C11orf87: variants seen among roughly 807,000 people sequenced by gnomAD.
C11orf87 encodes the protein chromosome 11 open reading frame 87.
C11orf87 carries 3 observed loss-of-function variants against 9.2 expected under a neutral mutation model. The ratio of observed to expected loss-of-function variants is 0.33; its 90% confidence interval spans 0.15 to 0.84. C11orf87 has a LOEUF of 0.84. Ranked by LOEUF, C11orf87 falls within the 40% of genes least tolerant of loss-of-function variation. The pLI is 0.55. For missense variants in C11orf87, 256 were observed against 270.7 expected, an observed-to-expected ratio of 0.95 and a Z score of 0.38; for synonymous variants, 124 against 124.6, an observed-to-expected ratio of 1.00 and a Z score of 0.03.
Position 109,423,513 on chromosome 11 carries a change from C to A in C11orf87, c.-121C>A. 1.9e-6 allele frequency: 2 copies of A among 1,041,252 alleles called. No individual in the cohort carries two copies. Among genetic ancestry groups the A allele is most frequent in the Non-Finnish European group, 2.7e-6 (2 of 736,328 alleles). 64.5% of individuals were successfully genotyped at this position (1,041,252 alleles called of 1,614,324 possible). ...CCTTAGTCCTTGGCTCGCTCGCACA[C>A]CCCCTCCCGCTACAGGGAGCAGTTT... On this transcript the variant is annotated 5_prime_UTR_variant, in exon 2 of 2. Coordinates refer to ENST00000327419, the MANE Select transcript of C11orf87 (RefSeq NM_207645.4). This position sits in a 1 kb window ranked among gnomAD's most constrained non-coding sequence, Gnocchi z 5.3.
chr11:109,424,326 T>G lies in C11orf87; in HGVS notation c.*99T>G. The G allele has an allele frequency of 1.0e-6, 1 of 974,208 alleles. No homozygotes were observed. The highest frequency in any genetic ancestry group is 2.1e-4 in the Middle Eastern group (1 of 4,794). The allele number at this position is 974,208 out of a possible 1,614,324, so 60.3% of individuals were successfully genotyped here. On this transcript the variant is annotated 3_prime_UTR_variant, in exon 2 of 2. Coordinates refer to ENST00000327419, the MANE Select transcript of C11orf87 (RefSeq NM_207645.4). This position sits in a 1 kb window ranked among gnomAD's most constrained non-coding sequence, Gnocchi z 4.7. Reference sequence around the variant, plus strand: ...CTTTTCCATTTTCCTCTGGCCCCTCTTTCCTCTTCCTGGTTTCCTTACCTG... The same window carrying G: ...CTTTTCCATTTTCCTCTGGCCCCTCGTTCCTCTTCCTGGTTTCCTTACCTG...
rs1401607442 is a variant in C11orf87 at position 109,423,255 on chromosome 11, A to G, written c.-259-120A>G. On this transcript the variant is annotated intron_variant, in intron 1 of 1. Transcript: ENST00000327419. This position sits in a 1 kb window ranked among gnomAD's most constrained non-coding sequence, Gnocchi z 5.3. ...GCTGGGGTCCGCTGACCGAAAATAC[A>G]GGCAGCGCCCAGCTCAGGCAGTGTG... 12 of 265,388 alleles carry G rather than the reference A, an allele frequency of 4.5e-5. No homozygotes were observed. Among genetic ancestry groups the G allele is most frequent in the Non-Finnish European group, 5.0e-5 (7 of 140,754 alleles). The allele number at this position is 265,388 out of a possible 1,614,324, so 16.4% of individuals were successfully genotyped here.
rs1860603323 is a variant in C11orf87 at position 109,428,642 on chromosome 11, A to G, written c.*4415A>G. The G allele has an allele frequency of 1.3e-5, 2 of 152,138 alleles. No homozygotes were observed. Among genetic ancestry groups the G allele is most frequent in the African/African-American group, 4.8e-5 (2 of 41,448 alleles). 9.4% of individuals were successfully genotyped at this position (152,138 alleles called of 1,614,324 possible). ...GGGCCATTTTTTGTTGGAACTTGTG[A>G]TTGTAACTCACAGATGTTTCAGTTC... On this transcript the variant is annotated 3_prime_UTR_variant, in exon 2 of 2. Transcript: ENST00000327419.
At position 109,424,151 on chromosome 11, in the gene C11orf87, C is replaced by T. The variant is rs1860538696; in HGVS notation, c.518C>T (p.Pro173Leu). ...APPPPPPASS[P>L]QGAHAASSCL... ...CCGCCTCCACCGCCAGCCTCCAGTC[C>T]CCAAGGAGCACACGCAGCTTCCTCC... Residue 173 changes from proline to leucine, a missense_variant, in exon 2 of 2, where the codon CCC becomes CTC. By Grantham distance (98) the Pro-to-Leu change is moderately conservative (BLOSUM62 -3). Transcript: ENST00000327419. The surrounding 1 kb of genome is among the most constrained non-coding windows in gnomAD (Gnocchi z 4.7). 1 of 1,614,116 alleles carries T rather than the reference C, an allele frequency of 6.2e-7. No homozygotes were observed. The highest frequency in any genetic ancestry group is 2.2e-5 in the East Asian group (1 of 44,860).
Position 109,423,268 on chromosome 11 carries a change from C to G in C11orf87, c.-259-107C>G. On this transcript the variant is annotated intron_variant, in intron 1 of 1. Coordinates refer to ENST00000327419, the MANE Select transcript of C11orf87 (RefSeq NM_207645.4). This position sits in a 1 kb window ranked among gnomAD's most constrained non-coding sequence, Gnocchi z 5.3. ...GACCGAAAATACAGGCAGCGCCCAG[C>G]TCAGGCAGTGTGCCCAGAGGGCCGC... The G allele has an allele frequency of 3.2e-6, 1 of 308,444 alleles. No homozygotes were observed. The highest frequency in any genetic ancestry group is 6.0e-6 in the Non-Finnish European group (1 of 165,848). 19.1% of individuals were successfully genotyped at this position (308,444 alleles called of 1,614,324 possible). A position where few individuals can be genotyped will look rare whatever the true frequency, so the allele number is the denominator to read the frequency against.
At position 109,424,150 on chromosome 11, in the gene C11orf87, C is replaced by T; in HGVS notation, c.517C>T (p.Pro173Ser). 6.2e-7 allele frequency: 1 copy of T among 1,614,126 alleles called. No individual in the cohort carries two copies. The highest frequency in any genetic ancestry group is 8.5e-7 in the Non-Finnish European group (1 of 1,180,036). ...TCCGCCTCCACCGCCAGCCTCCAGTCCCCAAGGAGCACACGCAGCTTCCTC... is the reference window on the plus strand; with the variant it reads ...TCCGCCTCCACCGCCAGCCTCCAGTTCCCAAGGAGCACACGCAGCTTCCTC... ...APPPPPPASS[P>S]QGAHAASSCL... The change falls in exon 2 of 2, where the codon CCC becomes TCC. Residue 173 changes from proline to serine, a missense_variant. Physicochemically the swap from Pro to Ser is moderately conservative, Grantham distance 74. Coordinates refer to ENST00000327419, the MANE Select transcript of C11orf87 (RefSeq NM_207645.4). This position sits in a 1 kb window ranked among gnomAD's most constrained non-coding sequence, Gnocchi z 4.7.
At position 109,424,750 on chromosome 11, in the gene C11orf87, AT is replaced by A; in HGVS notation, c.*525del. ...TTCCTTTAGCTTCCCTTTCCTCCCCATTCCCACCCTCAGCCGGGCTCAGGCA... is the reference window on the plus strand; with the variant it reads ...TTCCTTTAGCTTCCCTTTCCTCCCCATCCCACCCTCAGCCGGGCTCAGGCA... On this transcript the variant is annotated 3_prime_UTR_variant, in exon 2 of 2. Transcript: ENST00000327419. The surrounding 1 kb of genome is among the most constrained non-coding windows in gnomAD (Gnocchi z 4.7). The A allele has an allele frequency of 6.0e-6, 1 of 167,044 alleles. No homozygotes were observed. Among genetic ancestry groups the A allele is most frequent in the Admixed American group, 6.6e-5 (1 of 15,264 alleles). The allele number at this position is 167,044 out of a possible 1,614,324, so 10.3% of individuals were successfully genotyped here. A position where few individuals can be genotyped will look rare whatever the true frequency, so the allele number is the denominator to read the frequency against.
Position 109,424,880 on chromosome 11 carries a change from C to T in C11orf87, c.*653C>T, listed in dbSNP as rs982605529. ...TTATGACAGGTACCCCTCGCCAGTC[C>T]GCCCATTTCTCACCCTTTGGTTAAC... On this transcript the variant is annotated 3_prime_UTR_variant, in exon 2 of 2. Transcript: ENST00000327419. The surrounding 1 kb of genome is among the most constrained non-coding windows in gnomAD (Gnocchi z 4.7). The T allele has an allele frequency of 1.8e-5, 3 of 167,098 alleles. No individual in the cohort carries two copies. The highest frequency in any genetic ancestry group is 2.9e-5 in the Non-Finnish European group (2 of 68,160). The allele number at this position is 167,098 out of a possible 1,614,324, so 10.4% of individuals were successfully genotyped here. A position where few individuals can be genotyped will look rare whatever the true frequency, so the allele number is the denominator to read the frequency against.
rs546752140 is a variant in C11orf87 at position 109,424,043 on chromosome 11, A to G, written c.410A>G (p.Asp137Gly). 8 of 1,612,642 alleles carry G rather than the reference A, an allele frequency of 5.0e-6. No individual in the cohort carries two copies. In the African/African-American group the frequency reaches 1.1e-4, roughly 22 times the overall value. ...KETRLERQPRDSPFCAPSNAS... is the reference protein window; with the variant it reads ...KETRLERQPRGSPFCAPSNAS... ...ACCCGGCTGGAGAGGCAGCCCCGGGACTCTCCCTTCTGCGCCCCTTCCAAC... is the reference window on the plus strand; with the variant it reads ...ACCCGGCTGGAGAGGCAGCCCCGGGGCTCTCCCTTCTGCGCCCCTTCCAAC... The change falls in exon 2 of 2, where the codon GAC becomes GGC. Residue 137 changes from aspartate to glycine, a missense_variant. Physicochemically the swap from Asp to Gly is moderately conservative, Grantham distance 94 (BLOSUM62 -1). Coordinates refer to ENST00000327419, the MANE Select transcript of C11orf87 (RefSeq NM_207645.4). This position sits in a 1 kb window ranked among gnomAD's most constrained non-coding sequence, Gnocchi z 4.7.
rs1205783414 is a variant in C11orf87, at chr11:109,424,127, C to T, written c.494C>T (p.Pro165Leu). Residue 165 changes from proline (P) to leucine (L), a missense_variant, in exon 2 of 2, where the codon CCG (proline) becomes CTG (leucine). Transcript: ENST00000327419. The surrounding 1 kb of genome is among the most constrained non-coding windows in gnomAD (Gnocchi z 4.7). Reference sequence around the variant, plus strand: ...CCGTGCCAGGGTCCCTGTGCTCCTCCGCCTCCACCGCCAGCCTCCAGTCCC... The same window carrying T: ...CCGTGCCAGGGTCCCTGTGCTCCTCTGCCTCCACCGCCAGCCTCCAGTCCC... ...GLPCQGPCAPPPPPPASSPQG... is the reference protein window; with the variant it reads ...GLPCQGPCAPLPPPPASSPQG... 7.4e-6 allele frequency: 12 copies of T among 1,613,848 alleles called. No individual in the cohort carries two copies. Among genetic ancestry groups the T allele is most frequent in the African/African-American group, 4.0e-5 (3 of 74,932 alleles).
rs1860541959 is a variant in C11orf87, at chr11:109,424,317, TG to T, written c.*92del. Reference sequence around the variant, plus strand: ...TCTTCCTTCCTTTTCCATTTTCCTCTGGCCCCTCTTTCCTCTTCCTGGTTTC... The same window carrying T: ...TCTTCCTTCCTTTTCCATTTTCCTCTGCCCCTCTTTCCTCTTCCTGGTTTC... On this transcript the variant is annotated 3_prime_UTR_variant, in exon 2 of 2. Transcript: ENST00000327419. This position sits in a 1 kb window ranked among gnomAD's most constrained non-coding sequence, Gnocchi z 4.7. 1 of 1,060,142 alleles carries T rather than the reference TG, an allele frequency of 9.4e-7. No homozygotes were observed. The highest frequency in any genetic ancestry group is 2.5e-5 in the Admixed American group (1 of 39,946). 65.7% of individuals were successfully genotyped at this position (1,060,142 alleles called of 1,614,324 possible).
rs1860583351 is a variant in C11orf87, at chr11:109,427,140, T to C, written c.*2913T>C. 6.6e-6 allele frequency: 1 copy of C among 152,210 alleles called. No homozygotes were observed. The allele number at this position is 152,210 out of a possible 1,614,324, so 9.4% of individuals were successfully genotyped here. On this transcript the variant is annotated 3_prime_UTR_variant, in exon 2 of 2. Coordinates refer to ENST00000327419, the MANE Select transcript of C11orf87 (RefSeq NM_207645.4). ...AGGAGCAAGAGAAATAAAAGCATTATGTATATTGTAAAACAAATGATCTCA... is the reference window on the plus strand; with the variant it reads ...AGGAGCAAGAGAAATAAAAGCATTACGTATATTGTAAAACAAATGATCTCA...
Position 109,423,773 on chromosome 11 carries a change from T to C in C11orf87, c.140T>C (p.Ile47Thr). 5.0e-6 allele frequency: 8 copies of C among 1,614,060 alleles called. No homozygotes were observed. Among genetic ancestry groups the C allele is most frequent in the Non-Finnish European group, 5.1e-6 (6 of 1,179,938 alleles). The change falls in exon 2 of 2, where the codon ATC becomes ACC. Residue 47 changes from isoleucine to threonine, a missense_variant. By Grantham distance (89) the Ile-to-Thr change is moderately conservative. Coordinates refer to ENST00000327419, the MANE Select transcript of C11orf87 (RefSeq NM_207645.4). This position sits in a 1 kb window ranked among gnomAD's most constrained non-coding sequence, Gnocchi z 5.3. The part of the protein sequence containing the change: ...GPGAVGSGTC[I>T]TQVGQQLFQS... ...GGCGCAGTAGGCAGCGGCACCTGCA[T>C]CACGCAGGTGGGACAGCAGCTCTTC...
rs1440126587 is a variant in C11orf87, at chr11:109,428,731, A to G, written c.*4504A>G. 1.3e-5 allele frequency: 2 copies of G among 152,200 alleles called. No homozygotes were observed. The highest frequency in any genetic ancestry group is 2.4e-5 in the African/African-American group (1 of 41,464). 9.4% of individuals were successfully genotyped at this position (152,200 alleles called of 1,614,324 possible). ...AATCATTGGAATGAATGTAAATCTGATTCTGATTTGGTTATTTATTTGATA... is the reference window on the plus strand; with the variant it reads ...AATCATTGGAATGAATGTAAATCTGGTTCTGATTTGGTTATTTATTTGATA... On this transcript the variant is annotated 3_prime_UTR_variant, in exon 2 of 2. Coordinates refer to ENST00000327419, the MANE Select transcript of C11orf87 (RefSeq NM_207645.4).
Position 109,426,561 on chromosome 11 carries a change from A to C in C11orf87, c.*2334A>C, listed in dbSNP as rs907156685. On this transcript the variant is annotated 3_prime_UTR_variant, in exon 2 of 2. Coordinates refer to ENST00000327419, the MANE Select transcript of C11orf87 (RefSeq NM_207645.4). ...AATCTTTGGGTACAATATATTAAAC[A>C]ATGAACCAGTTTTTCTCCAGTGCCT... The C allele has an allele frequency of 2.0e-5, 3 of 152,216 alleles. No individual in the cohort carries two copies. Among genetic ancestry groups the C allele is most frequent in the Non-Finnish European group, 2.9e-5 (2 of 68,036 alleles). The allele number at this position is 152,216 out of a possible 1,614,324, so 9.4% of individuals were successfully genotyped here. A position where few individuals can be genotyped will look rare whatever the true frequency, so the allele number is the denominator to read the frequency against.
Position 109,423,650 on chromosome 11 carries a change from C to T in C11orf87, c.17C>T (p.Pro6Leu). 8 of 1,602,000 alleles carry T rather than the reference C, an allele frequency of 5.0e-6. No individual in the cohort carries two copies. Among genetic ancestry groups the T allele is most frequent in the South Asian group, 3.3e-5 (3 of 90,598 alleles). The change falls in exon 2 of 2, where the codon CCG (proline) becomes CTG (leucine). Residue 6 changes from proline (P) to leucine (L), a missense_variant. Coordinates refer to ENST00000327419, the MANE Select transcript of C11orf87 (RefSeq NM_207645.4). The surrounding 1 kb of genome is among the most constrained non-coding windows in gnomAD (Gnocchi z 5.3). ...CCCGCGCCAATGAGTGCCAGGGCGC[C>T]GAAGGAGCTGAGGCTGGCGTTGCCG... MSARA[P>L]KELRLALPPC...
intron 1 of C11orf87, among the ~76,000 whole-genome samples, chr11:109,422,668 GGGA>G (rs1341569170): frequency 6.6e-6 from 1 of 151,996 alleles, no homozygotes; most frequent in African/African-American, 2.4e-5. Flanking sequence ...CAGGGAAATG[GGGA>G]GGAGGGGGCC....
chr11:109,425,950 C>T lies in C11orf87; in HGVS notation c.*1723C>T, dbSNP rs971194809. On this transcript the variant is annotated 3_prime_UTR_variant, in exon 2 of 2. Coordinates refer to ENST00000327419, the MANE Select transcript of C11orf87 (RefSeq NM_207645.4). ...GAAAGGCTCTCTTTCTCAGTCTGTCCTAACTTCACTGAACATACAAAAATA... is the reference window on the plus strand; with the variant it reads ...GAAAGGCTCTCTTTCTCAGTCTGTCTTAACTTCACTGAACATACAAAAATA... 2 of 152,072 alleles carry T rather than the reference C, an allele frequency of 1.3e-5. No homozygotes were observed. Among genetic ancestry groups the T allele is most frequent in the Non-Finnish European group, 2.9e-5 (2 of 68,006 alleles). The allele number at this position is 152,072 out of a possible 1,614,324, so 9.4% of individuals were successfully genotyped here.
In C11orf87 at chr11:109,427,948, AG is replaced by A. The variant is rs370484376; in HGVS notation, c.*3722del. On this transcript the variant is annotated 3_prime_UTR_variant, in exon 2 of 2. Coordinates refer to ENST00000327419, the MANE Select transcript of C11orf87 (RefSeq NM_207645.4). ...CTCTTACCCAAAGAGGATACTGAAA[AG>A]TCCGGTATGTGCATGCACTTGTTTC... is the stretch of plus-strand genomic sequence containing the variant. 6.6e-5 allele frequency: 10 copies of A among 152,236 alleles called. No homozygotes were observed. The highest frequency in any genetic ancestry group is 2.4e-4 in the African/African-American group (10 of 41,568). 9.4% of individuals were successfully genotyped at this position (152,236 alleles called of 1,614,324 possible). A position where few individuals can be genotyped will look rare whatever the true frequency, so the allele number is the denominator to read the frequency against.
Sources: gnomAD v4.1 joint callset for allele counts (sites outside exome capture counted in the v4.1 genomes callset) on GRCh38, gnomAD v4.1.1 for gene constraint, Gnocchi (gnomAD v3.1) non-coding constraint, MANE v1.5 for transcripts, NCBI Gene and HGNC (gene_info 2026-07-23, HGNC 2026-07-21) for gene names.